VSTM4: variants seen among roughly 807,000 people sequenced by gnomAD.
VSTM4 encodes V-set and transmembrane domain containing 4.
A neutral mutation model predicts 36.4 loss-of-function variants in VSTM4; 20 were observed. The observed-to-expected ratio is 0.55, with a 90% CI of 0.39 to 0.80. The LOEUF is 0.80. Among genes scored for constraint, VSTM4 ranks in the 30% least tolerant of loss-of-function variants. The pLI is 0.00. For synonymous variants in VSTM4, 182 were observed against 173.9 expected (o/e 1.05, Z -0.37); for missense variants, 392 against 404.5 (o/e 0.97, Z 0.26).
intron 7 of VSTM4, among the ~76,000 whole-genome samples, chr10:49,035,178 G>A (rs1843408712): frequency 6.6e-6 from 1 of 152,160 alleles, no homozygotes; most frequent in Non-Finnish European, 1.5e-5. Flanking sequence ...CTCCTGCCTA[G>A]GCCATCCTCC....
rs1844223341 is a variant in VSTM4, at chr10:49,078,623, T to C, written c.527-1297A>G. Among the ~76,000 whole-genome samples the C allele has an allele frequency of 2.6e-5, 4 of 151,866 alleles. No homozygotes were observed. The South Asian group carries it at 8.4e-4, about 32-fold the overall frequency. On this transcript the variant is annotated intron_variant, in intron 3 of 7. Coordinates refer to ENST00000332853, the MANE Select transcript of VSTM4 (RefSeq NM_001031746.5). ...CAAAATTATAGAAATAGAGAACAGA[T>C]GAGTGGTTGCCAGCAGTTAAGAAGG...
At chr10:49,039,268 T>C (rs1843481834) in intron 7 of VSTM4, among the ~76,000 whole-genome samples, 2 of 151,850 alleles carry the variant, frequency 1.3e-5, no homozygotes, top group East Asian at 3.9e-4. Flanking sequence ...CTCAGCAGGA[T>C]GAGGGTCCTG....
At chr10:49,085,281 A>G (rs1416028294) in intron 3 of VSTM4, among the ~76,000 whole-genome samples, 4 of 152,232 alleles carry the variant, frequency 2.6e-5, no homozygotes, top group African/African-American at 7.2e-5. Context: ...GCATGCTGCA[A>G]TCATCTGGGG....
intron 1 of VSTM4, among the ~76,000 whole-genome samples, chr10:49,108,889 G>A (rs1342094059): frequency 2.0e-5 from 3 of 152,070 alleles, no homozygotes; most frequent in African/African-American, 4.8e-5. Flanking sequence ...CAGAGAGGCC[G>A]ACTGCTGAAG....
chr10:49,033,051 C>T (rs1474076624), intron 7 of VSTM4, among the ~76,000 whole-genome samples: 1 of 151,744 alleles, frequency 6.6e-6, no homozygotes, highest in East Asian at 1.9e-4. Flanking sequence ...GATCCCACTT[C>T]TAAAAATCTC....
At chr10:49,037,375 C>T (rs949967083) in intron 7 of VSTM4, among the ~76,000 whole-genome samples, 3 of 152,236 alleles carry the variant, frequency 2.0e-5, no homozygotes, top group Non-Finnish European at 2.9e-5. Context: ...AGGTCTGAGT[C>T]AGGGCCGGAG....
intron 1 of VSTM4, among the ~76,000 whole-genome samples, chr10:49,108,371 C>T (rs1380570952): frequency 6.6e-6 from 1 of 152,236 alleles, no homozygotes; most frequent in Admixed American, 6.5e-5. Flanking sequence ...CACCACTCCC[C>T]ACACCTCACC....
chr10:49,078,515 C>T (rs572334972), intron 3 of VSTM4, among the ~76,000 whole-genome samples: 19 of 137,244 alleles, frequency 1.4e-4, no homozygotes, highest in Admixed American at 7.4e-4. Context: ...CAGAGAAGTA[C>T]GCTGAGTGAA....
rs1422715367 is a variant in VSTM4 at position 49,017,493 on chromosome 10, G to A, written c.*2157C>T. On this transcript the variant is annotated 3_prime_UTR_variant, in exon 8 of 8. Coordinates refer to ENST00000332853, the MANE Select transcript of VSTM4 (RefSeq NM_001031746.5). ...TCAATCTATAATATAACAATGACTG[G>A]TTTGACTCTAACTGGGAGCTACTAG... 6.6e-6 allele frequency: 1 copy of A among 152,254 alleles called. No homozygotes were observed. The highest frequency in any genetic ancestry group is 2.4e-5 in the African/African-American group (1 of 41,464). 9.4% of individuals were successfully genotyped at this position (152,254 alleles called of 1,614,324 possible).
At chr10:49,064,404 C>A (rs566324265) in intron 5 of VSTM4, 2 of 397,888 alleles carry the variant, frequency 5.0e-6, no homozygotes, top group African/African-American at 2.1e-5. Context: ...TGGTTCAGAG[C>A]AAGTGTGAGC....
intron 7 of VSTM4, among the ~76,000 whole-genome samples, chr10:49,042,685 G>A (rs1224884834): frequency 6.6e-6 from 1 of 152,168 alleles, no homozygotes; most frequent in Non-Finnish European, 1.5e-5. Context: ...TACTCAACAG[G>A]GAGGGTGTGC....
At chr10:49,097,530 G>A in intron 2 of VSTM4, among the ~76,000 whole-genome samples, 1 of 152,192 alleles carries the variant, frequency 6.6e-6, no homozygotes, top group East Asian at 1.9e-4. Context: ...GGGCAATCAG[G>A]CCCTAGACAT....
chr10:49,019,478 T>C lies in VSTM4; in HGVS notation c.*172A>G. 3 of 838,346 alleles carry C rather than the reference T, an allele frequency of 3.6e-6. No individual in the cohort carries two copies. Among genetic ancestry groups the C allele is most frequent in the South Asian group, 8.2e-5 (2 of 24,414 alleles). The allele number at this position is 838,346 out of a possible 1,614,324, so 51.9% of individuals were successfully genotyped here. ...GTCAAGAGCTGTGGCCCCGATTCTT[T>C]TGGGGAGAGCAGGCTTGTACCTCTT... On this transcript the variant is annotated 3_prime_UTR_variant, in exon 8 of 8. Transcript: ENST00000332853.
chr10:49,083,721 T>C (rs2131998690), intron 3 of VSTM4, among the ~76,000 whole-genome samples: 1 of 152,358 alleles, frequency 6.6e-6, no homozygotes, highest in East Asian at 1.9e-4. Context: ...TATGAGATAC[T>C]GTTAATTGCA....
intron 1 of VSTM4, 49 bp from the exon 2 acceptor site, chr10:49,108,044 C>A: frequency 6.6e-7 from 1 of 1,506,978 alleles, no homozygotes. Context: ...CCCAAGTCCC[C>A]CTGTGGGCAG....
chr10:49,060,800 T>G (rs551788381), intron 5 of VSTM4, among the ~76,000 whole-genome samples: 4 of 152,302 alleles, frequency 2.6e-5, no homozygotes, highest in African/African-American at 9.6e-5. Flanking sequence ...AATTTTAGCT[T>G]TTATGTTTAG....
At chr10:49,039,132 G>A (rs1432620368) in intron 7 of VSTM4, among the ~76,000 whole-genome samples, 1 of 152,180 alleles carries the variant, frequency 6.6e-6, no homozygotes, top group Non-Finnish European at 1.5e-5. Flanking sequence ...CAGAGAAGTG[G>A]GGGGCAGAGG....
At chr10:49,028,743 G>A (rs749288622) in intron 7 of VSTM4, among the ~76,000 whole-genome samples, 25 of 152,086 alleles carry the variant, frequency 1.6e-4, no homozygotes, top group African/African-American at 2.2e-4. Context: ...ATTAAGTCAC[G>A]GTAATAAAAG....
At chr10:49,043,752 T>C (rs961931747) in intron 7 of VSTM4, among the ~76,000 whole-genome samples, 1 of 152,202 alleles carries the variant, frequency 6.6e-6, no homozygotes, top group African/African-American at 2.4e-5. Context: ...ACAGATAAAA[T>C]TGGATCCATT....
Sources: allele counts gnomAD v4.1 joint callset (sites outside exome capture counted in the v4.1 genomes callset), GRCh38; gene constraint gnomAD v4.1.1; transcripts MANE v1.5; gene names NCBI Gene and HGNC (gene_info 2026-07-23, HGNC 2026-07-21).